The following DCLK1 variants were observed in gnomAD, a reference collection of about 807,000 sequenced individuals.
DCLK1 encodes serine/threonine-protein kinase DCLK1.
A neutral mutation model predicts 86.2 loss-of-function variants in DCLK1; 16 were observed. The ratio of observed to expected loss-of-function variants is 0.19; its 90% confidence interval spans 0.13 to 0.28. The LOEUF (loss-of-function observed/expected upper bound fraction) is 0.28. Ranked by LOEUF, DCLK1 falls within the 10% of genes least tolerant of loss-of-function variation. The probability of loss-of-function intolerance (pLI) is 1.00; values close to 1 mark genes in which losing one functional copy is unlikely to be tolerated. For missense variants in DCLK1, 590 were observed against 940.2 expected, an observed-to-expected ratio of 0.63 and a Z score of 4.87; for synonymous variants, 369 against 370.5, an observed-to-expected ratio of 1.00 and a Z score of 0.05.
chr13:35,944,687 T>C (rs1238940750), intron 4 of DCLK1, among the ~76,000 whole-genome samples: 1 of 152,112 alleles, frequency 6.6e-6, no homozygotes, highest in African/African-American at 2.4e-5. Flanking sequence ...ACATCGTTAC[T>C]CAGCAAATGT....
intron 3 of DCLK1, among the ~76,000 whole-genome samples, chr13:36,031,241 T>A (rs1303741568): frequency 6.6e-6 from 1 of 151,794 alleles, no homozygotes; most frequent in Admixed American, 6.6e-5. Flanking sequence ...TCAAACTGGA[T>A]AATTCCATTT....
intron 16 of DCLK1, among the ~76,000 whole-genome samples, chr13:35,787,082 A>C (rs982642787): frequency 1.3e-5 from 2 of 150,494 alleles, no homozygotes; most frequent in African/African-American, 4.9e-5. Context: ...TCATATATAT[A>C]TATTATATAT....
At chr13:36,088,802 A>G (rs1308215736) in intron 3 of DCLK1, among the ~76,000 whole-genome samples, 2 of 152,218 alleles carry the variant, frequency 1.3e-5, no homozygotes, top group Non-Finnish European at 2.9e-5. Flanking sequence ...AGTCCCCATG[A>G]CAACCACATT....
intron 3 of DCLK1, among the ~76,000 whole-genome samples, chr13:36,079,390 G>T (rs1884333574): frequency 6.6e-6 from 1 of 152,142 alleles, no homozygotes; most frequent in Non-Finnish European, 1.5e-5. Context: ...AAAACTTTGG[G>T]AGGCTGAGGC....
At chr13:36,063,966 C>A (rs1345630349) in intron 3 of DCLK1, among the ~76,000 whole-genome samples, 3 of 152,026 alleles carry the variant, frequency 2.0e-5, no homozygotes, top group Non-Finnish European at 4.4e-5. Flanking sequence ...TAAAACATGA[C>A]CTGAAGGGTA....
chr13:35,852,325 A>G (rs1329528266), intron 6 of DCLK1, among the ~76,000 whole-genome samples: 1 of 152,182 alleles, frequency 6.6e-6, no homozygotes, highest in Non-Finnish European at 1.5e-5. Context: ...CCAAGATGAA[A>G]GCTCCTCTGG....
chr13:35,826,456 G>A (rs921941702), intron 10 of DCLK1, among the ~76,000 whole-genome samples: 10 of 148,988 alleles, frequency 6.7e-5, no homozygotes, highest in African/African-American at 2.2e-4. Context: ...CCAGGAGGCA[G>A]AGGTTGCCGT....
intron 7 of DCLK1, among the ~76,000 whole-genome samples, chr13:35,838,065 C>CGAAAAAAAAAAAAA: frequency 1.0e-5 from 1 of 100,388 alleles, no homozygotes; most frequent in South Asian, 3.3e-4. Context: ...GACTCCATCT[C>CGAAAAAAAAAAAAA]AAAAAAAAAA....
At chr13:35,855,370 A>G in intron 5 of DCLK1, 1 of 681,048 alleles carries the variant, frequency 1.5e-6, no homozygotes, top group Non-Finnish European at 2.5e-6. Context: ...AAGATGTATC[A>G]GGTCACCTCT....
intron 6 of DCLK1, among the ~76,000 whole-genome samples, chr13:35,851,916 C>T (rs1478544635): frequency 6.6e-6 from 1 of 152,088 alleles, no homozygotes; most frequent in African/African-American, 2.4e-5. Context: ...TCAAATGTCT[C>T]AACCTTCCTT....
At chr13:36,023,046 T>C (rs1007541839) in intron 3 of DCLK1, among the ~76,000 whole-genome samples, 1 of 152,122 alleles carries the variant, frequency 6.6e-6, no homozygotes. Context: ...AAGGAGTGTA[T>C]ACCATTAGCA....
At chr13:36,020,785 C>CA (rs777455686) in intron 3 of DCLK1, among the ~76,000 whole-genome samples, 104 of 151,890 alleles carry the variant, frequency 6.8e-4, no homozygotes, top group Middle Eastern at 3.2e-3. Context: ...AACTATCCTT[C>CA]AAAAACAAAA....
chr13:36,072,853 A>G (rs922357896), intron 3 of DCLK1, among the ~76,000 whole-genome samples: 6 of 152,196 alleles, frequency 3.9e-5, no homozygotes, highest in Admixed American at 6.5e-5. Context: ...TTTCTATAGA[A>G]CTGGAAATTA....
intron 3 of DCLK1, among the ~76,000 whole-genome samples, chr13:35,958,049 C>CATT (rs1878130027): frequency 3.3e-5 from 1 of 30,020 alleles, no homozygotes; most frequent in African/African-American, 2.7e-4. Context: ...CCACCACCAT[C>CATT]ACCACTATAA....
In DCLK1 at chr13:35,900,965, C is replaced by A. The variant is rs189598659; in HGVS notation, c.824-29625G>T. Among the ~76,000 whole-genome samples the A allele has an allele frequency of 1.9e-3, 286 of 151,890 alleles. 3 individuals are homozygous for A. Among genetic ancestry groups the A allele is most frequent in the African/African-American group, 6.7e-3 (278 of 41,384 alleles). Reference sequence around the variant, plus strand: ...TGCCACAGGGAGAAATTAAACTCAGCGAAAGGAAAGACTCAACAAAGTATT... The same window carrying A: ...TGCCACAGGGAGAAATTAAACTCAGAGAAAGGAAAGACTCAACAAAGTATT... On this transcript the variant is annotated intron_variant, in intron 4 of 16. Transcript: ENST00000360631.
intron 3 of DCLK1, among the ~76,000 whole-genome samples, chr13:35,992,066 C>G (rs1396370702): frequency 2.0e-5 from 3 of 152,148 alleles, no homozygotes; most frequent in African/African-American, 7.2e-5. Context: ...CTGAAAAGTC[C>G]CAAGCTAACT....
At chr13:36,061,741 T>C (rs1010258732) in intron 3 of DCLK1, among the ~76,000 whole-genome samples, 1 of 152,152 alleles carries the variant, frequency 6.6e-6, no homozygotes, top group East Asian at 1.9e-4. Flanking sequence ...TGGCTCAACT[T>C]AGTGTTTGAC....
chr13:35,984,134 C>T (rs771677051), intron 3 of DCLK1, among the ~76,000 whole-genome samples: 2 of 152,198 alleles, frequency 1.3e-5, no homozygotes, highest in Admixed American at 6.5e-5. Flanking sequence ...CTGATTTTTA[C>T]AACCAGAGCC....
rs1593889706 is a variant in DCLK1, at chr13:36,100,200, AAAAAAAAAAAAAAC to A, written c.723+11655_723+11668del. The stretch of plus-strand genomic sequence containing the variant: ...TCTACAAAAAAAAAAAAAAAAAAAA[AAAAAAAAAAAAAAC>A]CACACACACACAAAATTAGCCAGGC... On this transcript the variant is annotated intron_variant, in intron 3 of 16. Coordinates refer to ENST00000360631, the MANE Select transcript of DCLK1 (RefSeq NM_001330071.2). Among the ~76,000 whole-genome samples the A allele has an allele frequency of 5.8e-4, 76 of 131,164 alleles. 1 individual carries two copies. Among genetic ancestry groups the A allele is most frequent in the African/African-American group, 1.9e-3 (71 of 36,848 alleles). The allele number at this position is 131,164 out of a possible 152,430, so 86.0% of individuals were successfully genotyped here.
Sources: gnomAD v4.1 joint callset for allele counts (sites outside exome capture counted in the v4.1 genomes callset) on GRCh38, gnomAD v4.1.1 for gene constraint, MANE v1.5 for transcripts, NCBI Gene and HGNC (gene_info 2026-07-23, HGNC 2026-07-21) for gene names.